Variants in GRID2 observed in about 807,000 individuals in gnomAD.
GRID2 encodes the protein glutamate receptor ionotropic, delta-2.
GRID2 carries 33 observed loss-of-function variants against 114.8 expected under a neutral mutation model. That is an observed-to-expected ratio of 0.29 (90% CI 0.22 to 0.38). The LOEUF (loss-of-function observed/expected upper bound fraction) is 0.38. Ranked by LOEUF, GRID2 falls within the 10% of genes least tolerant of loss-of-function variation. GRID2 has a pLI of 1.00. For synonymous variants in GRID2, 505 were observed against 449.9 expected, an observed-to-expected ratio of 1.12 and a Z score of -1.55; for missense variants, 1,184 against 1,257.7, an observed-to-expected ratio of 0.94 and a Z score of 0.89.
At chr4:92,905,353 A>G (rs1004491649) in intron 2 of GRID2, among the ~76,000 whole-genome samples, 1 of 149,712 alleles carries the variant, frequency 6.7e-6, no homozygotes, top group Non-Finnish European at 1.5e-5. Context: ...TAAAAAAATC[A>G]ACATGACTCT....
intron 14 of GRID2, among the ~76,000 whole-genome samples, chr4:93,768,599 A>T (rs1034357659): frequency 1.2e-4 from 19 of 152,204 alleles, no homozygotes; most frequent in African/African-American, 1.7e-4. Context: ...TTAAAAGGGA[A>T]ACTAGATCAG....
chr4:93,248,651 T>C (rs1156861342), intron 8 of GRID2, among the ~76,000 whole-genome samples: 1 of 152,072 alleles, frequency 6.6e-6, no homozygotes, highest in Non-Finnish European at 1.5e-5. Flanking sequence ...AGTAACTAGG[T>C]TTTATATAAT....
At chr4:93,181,992 G>C (rs1739938330) in intron 4 of GRID2, among the ~76,000 whole-genome samples, 1 of 152,098 alleles carries the variant, frequency 6.6e-6, no homozygotes. Context: ...AGAAAAAAAG[G>C]ATTTAATAAA....
At chr4:93,384,680 G>C (rs1579904901) in intron 8 of GRID2, among the ~76,000 whole-genome samples, 1 of 152,130 alleles carries the variant, frequency 6.6e-6, no homozygotes, top group African/African-American at 2.4e-5. Flanking sequence ...GGAGAATGAT[G>C]TATTTACACT....
At chr4:93,047,000 G>A (rs755844989) in intron 2 of GRID2, among the ~76,000 whole-genome samples, 9 of 152,038 alleles carry the variant, frequency 5.9e-5, no homozygotes, top group Non-Finnish European at 1.3e-4. Flanking sequence ...CATGTTGATA[G>A]TATGGACACT....
intron 1 of GRID2, among the ~76,000 whole-genome samples, chr4:92,392,699 A>G (rs1025104749): frequency 2.6e-5 from 4 of 152,218 alleles, no homozygotes; most frequent in East Asian, 1.9e-4. Context: ...CACTGACTCA[A>G]AATTACTATT....
intron 4 of GRID2, among the ~76,000 whole-genome samples, chr4:93,141,788 A>G (rs1014384383): frequency 1.3e-5 from 2 of 152,218 alleles, no homozygotes; most frequent in Non-Finnish European, 2.9e-5. Flanking sequence ...AAATTGTGCA[A>G]TAGGGATTTA....
intron 2 of GRID2, among the ~76,000 whole-genome samples, chr4:92,748,836 G>C (rs927215672): frequency 6.6e-6 from 1 of 150,466 alleles, no homozygotes; most frequent in Non-Finnish European, 1.5e-5. Flanking sequence ...TAATTTTTTT[G>C]TATTTTTACT....
intron 1 of GRID2, among the ~76,000 whole-genome samples, chr4:92,368,160 A>G (rs1189319456): frequency 6.6e-6 from 1 of 152,010 alleles, no homozygotes; most frequent in African/African-American, 2.4e-5. Flanking sequence ...ATGCTGAGGG[A>G]CACATGCCTT....
intron 1 of GRID2, among the ~76,000 whole-genome samples, chr4:92,520,271 T>C (rs1314284753): frequency 6.6e-6 from 1 of 151,850 alleles, no homozygotes; most frequent in Non-Finnish European, 1.5e-5. Context: ...ATATTAATAA[T>C]ACTTAAATAT....
At chr4:92,412,691 C>G (rs919429326) in intron 1 of GRID2, among the ~76,000 whole-genome samples, 1 of 151,948 alleles carries the variant, frequency 6.6e-6, no homozygotes, top group Non-Finnish European at 1.5e-5. Context: ...CCCTGCCATA[C>G]TACTTAGCAT....
intron 13 of GRID2, among the ~76,000 whole-genome samples, chr4:93,532,673 C>T (rs891930560): frequency 6.6e-6 from 1 of 152,088 alleles, no homozygotes; most frequent in East Asian, 1.9e-4. Context: ...TACATTTATG[C>T]AATTCCAGCA....
intron 6 of GRID2, among the ~76,000 whole-genome samples, chr4:93,218,683 C>G (rs986717849): frequency 6.6e-6 from 1 of 152,118 alleles, no homozygotes; most frequent in African/African-American, 2.4e-5. Context: ...GAAGCCTTAA[C>G]AACATCTCTT....
chr4:92,931,002 T>A (rs559689671), intron 2 of GRID2, among the ~76,000 whole-genome samples: 2 of 150,904 alleles, frequency 1.3e-5, no homozygotes, highest in Admixed American at 6.6e-5. Flanking sequence ...GGAAACACTT[T>A]CCAATGTGTT....
chr4:93,072,150 C>A (rs1578904829), intron 2 of GRID2, among the ~76,000 whole-genome samples: 1 of 152,158 alleles, frequency 6.6e-6, no homozygotes, highest in East Asian at 1.9e-4. Flanking sequence ...CTTTTTCCCA[C>A]CTGCACAATG....
chr4:92,527,151 T>C (rs1321531242), intron 1 of GRID2, among the ~76,000 whole-genome samples: 1 of 152,104 alleles, frequency 6.6e-6, no homozygotes, highest in Non-Finnish European at 1.5e-5. Context: ...TACCTCTTTG[T>C]CTAGTTACAG....
At position 93,161,217 on chromosome 4, in the gene GRID2, G is replaced by C. The variant is rs556070881; in HGVS notation, c.736-46187G>C. ...GCAATGACAGAGAAAGGGAAAGAGA[G>C]AGATTCTGAGAAACTTTTATTTAAG... On this transcript the variant is annotated intron_variant, in intron 4 of 15. Coordinates refer to ENST00000282020, the MANE Select transcript of GRID2 (RefSeq NM_001510.4). Among the ~76,000 whole-genome samples, 23 of 152,062 alleles carry C rather than the reference G, an allele frequency of 1.5e-4. No individual in the cohort carries two copies. In the South Asian group the frequency reaches 3.5e-3, roughly 23 times the overall value.
chr4:92,345,115 T>G (rs1184893704), intron 1 of GRID2, among the ~76,000 whole-genome samples: 1 of 152,192 alleles, frequency 6.6e-6, no homozygotes, highest in Non-Finnish European at 1.5e-5. Context: ...TAGCTCCCTC[T>G]TATAAGAGAG....
rs1733568607 is a variant in GRID2, at chr4:92,448,148, T to TATGC, written c.89-141980_89-141979insCATG. Reference sequence around the variant, plus strand: ...TTTTTATTTTATGTATGTATGTATGTATGTATGTATGTATGTATGTATGTA... The same window carrying TATGC: ...TTTTTATTTTATGTATGTATGTATGTATGCATGTATGTATGTATGTATGTATGTA... On this transcript the variant is annotated intron_variant, in intron 1 of 15. Coordinates refer to ENST00000282020, the MANE Select transcript of GRID2 (RefSeq NM_001510.4). Among the ~76,000 whole-genome samples, 5 of 150,352 alleles carry TATGC rather than the reference T, an allele frequency of 3.3e-5. No individual in the cohort carries two copies. In the South Asian group the frequency reaches 1.0e-3, roughly 31 times the overall value.
Sources: allele counts gnomAD v4.1 joint callset (sites outside exome capture counted in the v4.1 genomes callset), GRCh38; gene constraint gnomAD v4.1.1; transcripts MANE v1.5; gene names NCBI Gene and HGNC (gene_info 2026-07-23, HGNC 2026-07-21).